Variants in POFUT3 observed in about 807,000 individuals in gnomAD.
The protein encoded by POFUT3 is protein O-fucosyltransferase 3.
chr8:33,451,468 A>ATG, the POFUT3 span, among the ~76,000 whole-genome samples: 7 of 151,902 alleles, frequency 4.6e-5, no homozygotes, highest in Admixed American at 4.6e-4. Context: ...GTGTATGTAT[A>ATG]TGTGTGTGTA....
the POFUT3 span, among the ~76,000 whole-genome samples, chr8:33,338,235 A>G: frequency 6.6e-6 from 1 of 152,228 alleles, no homozygotes; most frequent in African/African-American, 2.4e-5. Context: ...ATAACAACCT[A>G]TAACTAGTAG....
the POFUT3 span, chr8:33,461,528 C>T: frequency 3.7e-6 from 6 of 1,606,686 alleles, no homozygotes; most frequent in Admixed American, 1.7e-5. Flanking sequence ...GAGCCCGAGA[C>T]AACTTCACAT....
At chr8:33,330,628 T>C in the POFUT3 span, among the ~76,000 whole-genome samples, 1 of 152,224 alleles carries the variant, frequency 6.6e-6, no homozygotes, top group East Asian at 1.9e-4. Context: ...TAACAACCTC[T>C]GTGGTGTTGC....
At chr8:33,465,972 G>A in the POFUT3 span, among the ~76,000 whole-genome samples, 1 of 152,274 alleles carries the variant, frequency 6.6e-6, no homozygotes, top group South Asian at 2.1e-4. Flanking sequence ...GCATAGCTCA[G>A]GTCTATCATA....
the POFUT3 span, among the ~76,000 whole-genome samples, chr8:33,368,582 T>C: frequency 1.3e-5 from 2 of 152,184 alleles, no homozygotes; most frequent in Non-Finnish European, 2.9e-5. Flanking sequence ...ATCTTCAGTA[T>C]GAGCAAGCAG....
the POFUT3 span, among the ~76,000 whole-genome samples, chr8:33,323,301 C>T: frequency 2.0e-5 from 3 of 152,118 alleles, no homozygotes; most frequent in South Asian, 2.1e-4. Context: ...CTGTTGGAAA[C>T]GTGCCTTATT....
At chr8:33,336,437 A>G in the POFUT3 span, among the ~76,000 whole-genome samples, 1 of 152,132 alleles carries the variant, frequency 6.6e-6, no homozygotes, top group African/African-American at 2.4e-5. Context: ...AATATTATTT[A>G]TTTGATTGTA....
the POFUT3 span, among the ~76,000 whole-genome samples, chr8:33,445,081 G>A: frequency 6.6e-6 from 1 of 151,594 alleles, no homozygotes; most frequent in Non-Finnish European, 1.5e-5. Flanking sequence ...CTACAGGCAC[G>A]CACCACCATG....
the POFUT3 span, among the ~76,000 whole-genome samples, chr8:33,312,277 T>TAG: frequency 4.7e-3 from 651 of 137,570 alleles, 3 homozygotes; most frequent in African/African-American, 0.012. Flanking sequence ...AAAAAAGAAA[T>TAG]AGAGAGAGAG....
the POFUT3 span, among the ~76,000 whole-genome samples, chr8:33,447,615 T>C: frequency 6.6e-6 from 1 of 152,150 alleles, no homozygotes; most frequent in African/African-American, 2.4e-5. Context: ...CTGCTTAAAG[T>C]CTTTAACTAG....
the POFUT3 span, among the ~76,000 whole-genome samples, chr8:33,368,390 G>A: frequency 6.6e-6 from 1 of 152,134 alleles, no homozygotes; most frequent in Non-Finnish European, 1.5e-5. Flanking sequence ...AAATTAATTG[G>A]TTTAATCCCA....
chr8:33,420,571 G>A, the POFUT3 span, among the ~76,000 whole-genome samples: 2 of 152,264 alleles, frequency 1.3e-5, no homozygotes, highest in African/African-American at 2.4e-5. Flanking sequence ...TGTAAACAAT[G>A]ATTTCTGATG....
chr8:33,395,240 C>T, the POFUT3 span, among the ~76,000 whole-genome samples: 114 of 152,238 alleles, frequency 7.5e-4, no homozygotes, highest in African/African-American at 2.3e-3. Flanking sequence ...CACTTTCCTG[C>T]CCAAATGTTG....
chr8:33,351,797 TA>T, the POFUT3 span, among the ~76,000 whole-genome samples: 2,761 of 150,226 alleles, frequency 0.018, 83 homozygotes, highest in African/African-American at 0.062. Flanking sequence ...CAGAGTGAGA[TA>T]AAAAAAAAGG....
chr8:33,412,551 C>T, the POFUT3 span, among the ~76,000 whole-genome samples: 1 of 152,202 alleles, frequency 6.6e-6, no homozygotes, highest in Non-Finnish European at 1.5e-5. Context: ...GTCCAGCTAA[C>T]TACTAGGAAG....
At chr8:33,380,828 C>A in the POFUT3 span, among the ~76,000 whole-genome samples, 4 of 144,188 alleles carry the variant, frequency 2.8e-5, no homozygotes, top group South Asian at 7.5e-4. Flanking sequence ...TAGAATGAGA[C>A]CCTGTCTCAA....
the POFUT3 span, chr8:33,436,315 T>C: frequency 3.8e-6 from 5 of 1,324,918 alleles, no homozygotes; most frequent in East Asian, 2.4e-5. Context: ...AGGCCCTTGA[T>C]GGTCTCCACT....
chr8:33,437,908 A>G, the POFUT3 span, among the ~76,000 whole-genome samples: 1 of 152,214 alleles, frequency 6.6e-6, no homozygotes, highest in East Asian at 1.9e-4. Flanking sequence ...CCAGTTGCAC[A>G]CTTAAATTTT....
chr8:33,393,406 G>A, the POFUT3 span, among the ~76,000 whole-genome samples: 1 of 152,224 alleles, frequency 6.6e-6, no homozygotes, highest in Non-Finnish European at 1.5e-5. Context: ...AATGTGCACT[G>A]TAAAGGGAAT....
Sources: allele counts gnomAD v4.1 joint callset (sites outside exome capture counted in the v4.1 genomes callset), GRCh38; gene constraint gnomAD v4.1.1; transcripts MANE v1.5; gene names NCBI Gene and HGNC (gene_info 2026-07-23, HGNC 2026-07-21).